JCAD: variants seen among roughly 807,000 people sequenced by gnomAD.
The protein encoded by JCAD is junctional cadherin 5-associated protein.
JCAD carries 40 observed loss-of-function variants against 98.0 expected under a neutral mutation model. The observed-to-expected ratio is 0.41, with a 90% CI of 0.32 to 0.53. JCAD has a LOEUF of 0.53. JCAD is among the 20% of genes least tolerant of loss of function. JCAD has a pLI of 0.31. For missense variants in JCAD, 1,705 were observed against 1,738.1 expected (o/e 0.98, Z 0.34); for synonymous variants, 691 against 682.3 (o/e 1.01, Z -0.20).
intron 1 of JCAD, among the ~76,000 whole-genome samples, chr10:30,083,945 C>T (rs1243410973): frequency 6.6e-6 from 1 of 151,548 alleles, no homozygotes; most frequent in Non-Finnish European, 1.5e-5. Context: ...TAGCTTGAGC[C>T]CAGGAATTCG....
rs542014311 is a variant in JCAD, at chr10:30,036,413, C to T, written c.282-6547G>A. 5.3e-5 allele frequency among the ~76,000 whole-genome samples: 8 copies of T among 151,422 alleles called. No individual in the cohort carries two copies. In the South Asian group the frequency reaches 1.5e-3, roughly 28 times the overall value. ...GCAGTGAGCTGAGATTGCACCACTG[C>T]ACTCCAGCCTGGGCAGTACAGAGCA... On this transcript the variant is annotated intron_variant, in intron 2 of 3. Transcript: ENST00000375377.
In JCAD at chr10:30,049,104, G is replaced by A. The variant is rs1470649421; in HGVS notation, c.-59-1233C>T. On this transcript the variant is annotated intron_variant, in intron 1 of 3. Coordinates refer to ENST00000375377, the MANE Select transcript of JCAD (RefSeq NM_020848.4). ...AGCCGCCCTGTTTATTCCTACATGA[G>A]AACATCTTTCTTCCTAAGTCTTCCC... 2.0e-5 allele frequency among the ~76,000 whole-genome samples: 3 copies of A among 152,332 alleles called. No individual in the cohort carries two copies. In the South Asian group the frequency reaches 6.2e-4, roughly 32 times the overall value.
intron 2 of JCAD, among the ~76,000 whole-genome samples, chr10:30,046,193 T>C (rs2505083): frequency 0.33 from 49,876 of 151,952 alleles, 9,894 homozygotes; most frequent in Non-Finnish European, 0.43. Flanking sequence ...AGTGCAGCAC[T>C]AAAGGCAAAC....
intron 2 of JCAD, among the ~76,000 whole-genome samples, chr10:30,044,608 A>G (rs561845091): frequency 1.7e-4 from 26 of 152,040 alleles, no homozygotes; most frequent in African/African-American, 6.3e-4. Context: ...TTGAGTAACC[A>G]AAGACTGGGA....
chr10:30,083,505 C>A (rs1187661131), intron 1 of JCAD, among the ~76,000 whole-genome samples: 2 of 152,268 alleles, frequency 1.3e-5, no homozygotes, highest in East Asian at 3.9e-4. Context: ...TCAGGGCAAA[C>A]AAATATATTT....
rs1156728699 is a variant in JCAD at position 30,015,260 on chromosome 10, AC to A, written c.*2622del. On this transcript the variant is annotated 3_prime_UTR_variant, in exon 4 of 4. Transcript: ENST00000375377. ...AATTGTGTGCATGAGAAGAACAAAG[AC>A]AAATACAAAATATAGAAACTTTTTC... 2.6e-5 allele frequency: 4 copies of A among 152,236 alleles called. No individual in the cohort carries two copies. The highest frequency in any genetic ancestry group is 9.6e-5 in the African/African-American group (4 of 41,472). The allele number at this position is 152,236 out of a possible 1,614,324, so 9.4% of individuals were successfully genotyped here.
chr10:30,028,303 C>T lies in JCAD; in HGVS notation c.1845G>A (p.Lys615=), dbSNP rs1276789267. 6.2e-7 allele frequency: 1 copy of T among 1,614,238 alleles called. No homozygotes were observed. Among genetic ancestry groups the T allele is most frequent in the Non-Finnish European group, 8.5e-7 (1 of 1,180,046 alleles). ...PSADQKNGSD[K]SPALQEQSLL... ...GACTCTGTTCTTGCAGAGCCGGGCT[C>T]TTATCAGACCCATTCTTTTGATCAG... The change falls in exon 3 of 4, where the codon AAG becomes AAA. Residue 615 remains lysine, a synonymous_variant. Coordinates refer to ENST00000375377, the MANE Select transcript of JCAD (RefSeq NM_020848.4).
intron 1 of JCAD, among the ~76,000 whole-genome samples, chr10:30,056,911 G>C (rs536068524): frequency 2.0e-5 from 3 of 152,132 alleles, no homozygotes; most frequent in African/African-American, 4.8e-5. Flanking sequence ...GGCTGCTGGC[G>C]TTTGCAAGTC....
chr10:30,028,895 T>C lies in JCAD; in HGVS notation c.1253A>G (p.Asp418Gly), dbSNP rs1261990221. 1.2e-6 allele frequency: 2 copies of C among 1,614,104 alleles called. No homozygotes were observed. The highest frequency in any genetic ancestry group is 1.7e-6 in the Non-Finnish European group (2 of 1,179,998). The change falls in exon 3 of 4, where the codon GAC becomes GGC. Residue 418 changes from aspartate to glycine, a missense_variant. By Grantham distance (94) the Asp-to-Gly change is moderately conservative. Transcript: ENST00000375377. Reference sequence around the variant, plus strand: ...AAAGGGAATGTACTGAACGAAGCCGTCATAGGCAGTGACAGGTCGGGGATG... The same window carrying C: ...AAAGGGAATGTACTGAACGAAGCCGCCATAGGCAGTGACAGGTCGGGGATG... ...PAHPRPVTAY[D>G]GFVQYIPFDD...
chr10:30,026,081 G>A, intron 3 of JCAD, 22 bp downstream of exon 3: 1 of 1,613,806 alleles, frequency 6.2e-7, no homozygotes, highest in Non-Finnish European at 8.5e-7. Context: ...CTGAGCACCT[G>A]CCTGTCTGCC....
intron 1 of JCAD, among the ~76,000 whole-genome samples, chr10:30,081,604 G>A (rs538240397): frequency 6.6e-6 from 1 of 152,076 alleles, no homozygotes; most frequent in Non-Finnish European, 1.5e-5. Context: ...GCTAATTTTT[G>A]TATTTTTAGT....
In JCAD at chr10:30,026,244, G is replaced by C; in HGVS notation, c.3904C>G (p.Leu1302Val). The C allele has an allele frequency of 1.2e-6, 2 of 1,613,942 alleles. No homozygotes were observed. The highest frequency in any genetic ancestry group is 8.5e-7 in the Non-Finnish European group (1 of 1,180,046). The change falls in exon 3 of 4, where the codon CTT (leucine) becomes GTT (valine). Residue 1302 changes from leucine (L) to valine (V), a missense_variant. Leu to Val is a conservative substitution (Grantham distance 32, BLOSUM62 1). Around this residue, in one of 3 missense-constraint regions of JCAD, gnomAD observed 1,278 missense variants for 1,243.1 expected, o/e 1.03. Transcript: ENST00000375377. Reference sequence around the variant, plus strand: ...CGGTCCCCACTGCCAGGAGACACAAGGCCTCCCGGGAGCCCGGCCTGGCCC... The same window carrying C: ...CGGTCCCCACTGCCAGGAGACACAACGCCTCCCGGGAGCCCGGCCTGGCCC... ...TRGQAGLPGGLVSPGSGDRAQ... is the reference protein window; with the variant it reads ...TRGQAGLPGGVVSPGSGDRAQ...
At chr10:30,038,501 T>A (rs1335123585) in intron 2 of JCAD, among the ~76,000 whole-genome samples, 1 of 151,470 alleles carries the variant, frequency 6.6e-6, no homozygotes, top group African/African-American at 2.4e-5. Flanking sequence ...CTGGGAAACA[T>A]AAGGAGACCT....
chr10:30,058,064 A>G (rs1477320243), intron 1 of JCAD, among the ~76,000 whole-genome samples: 2 of 152,152 alleles, frequency 1.3e-5, no homozygotes, highest in Non-Finnish European at 2.9e-5. Context: ...CACCATGCAG[A>G]CTGCCTTTTT....
chr10:30,054,675 CTTT>C (rs34992036), intron 1 of JCAD, among the ~76,000 whole-genome samples: 1 of 146,624 alleles, frequency 6.8e-6, no homozygotes, highest in Non-Finnish European at 1.5e-5. Context: ...GAAAATGCAT[CTTT>C]TTTTTTTTTT....
chr10:30,102,097 T>G (rs1304745802), intron 1 of JCAD, among the ~76,000 whole-genome samples: 2 of 152,180 alleles, frequency 1.3e-5, no homozygotes, highest in Non-Finnish European at 2.9e-5. Flanking sequence ...GACGACAGAA[T>G]CCTGGTTATG....
intron 2 of JCAD, among the ~76,000 whole-genome samples, chr10:30,039,163 C>T (rs1325835075): frequency 6.6e-6 from 1 of 152,208 alleles, no homozygotes; most frequent in Non-Finnish European, 1.5e-5. Context: ...GATGCTGACG[C>T]CCCTCCCATG....
At chr10:30,061,166 G>T (rs140020309), upstream of JCAD, among the ~76,000 whole-genome samples, 671 of 152,292 alleles carry the variant, frequency 4.4e-3, 8 homozygotes, top group South Asian at 0.047. Flanking sequence ...TGGGGGTAAT[G>T]ATGGTTTGCA....
chr10:30,113,488 T>C (rs111283283), intron 1 of JCAD, among the ~76,000 whole-genome samples: 3,844 of 133,206 alleles, frequency 0.029, 171 homozygotes, highest in African/African-American at 0.1. Flanking sequence ...TAGGTGGAGG[T>C]TGCAATGAGC....
Sources: gnomAD v4.1 joint callset for allele counts (sites outside exome capture counted in the v4.1 genomes callset) on GRCh38, gnomAD v4.1.1 for gene constraint, gnomAD v4.1.1 regional missense constraint, MANE v1.5 for transcripts, NCBI Gene and HGNC (gene_info 2026-07-23, HGNC 2026-07-21) for gene names.